The following FBLN2 variants were observed in gnomAD, a reference collection of about 807,000 sequenced individuals.
FBLN2 encodes fibulin 2, also known as fibulin-2.
In FBLN2, 81 loss-of-function variants were observed where a neutral mutation model predicts 123.7. That is an observed-to-expected ratio of 0.65 (90% CI 0.55 to 0.79). FBLN2 has a LOEUF of 0.79. Ranked by LOEUF, FBLN2 falls within the 30% of genes least tolerant of loss-of-function variation. The pLI, the probability that FBLN2 is intolerant of heterozygous loss-of-function variation, is 0.00. For synonymous variants in FBLN2, 699 were observed against 701.4 expected (o/e 1.00, Z 0.05); for missense variants, 1,603 against 1,681.3 (o/e 0.95, Z 0.81).
At position 13,571,133 on chromosome 3, in the gene FBLN2, C is replaced by T; in HGVS notation, c.778C>T (p.Leu260=). 2 of 1,553,336 alleles carry T rather than the reference C, an allele frequency of 1.3e-6. No individual in the cohort carries two copies. The highest frequency in any genetic ancestry group is 1.7e-6 in the Non-Finnish European group (2 of 1,148,956). The change falls in exon 2 of 18, where the codon CTG becomes TTG. Residue 260 remains leucine (L), a synonymous_variant. Coordinates refer to ENST00000404922, the MANE Select transcript of FBLN2 (RefSeq NM_001004019.2). The part of the protein sequence containing the change: ...VLPRPTAAAA[L]GPPAPVQAKA... Reference sequence around the variant, plus strand: ...CCCCAGGCCCACAGCGGCTGCTGCCCTGGGTCCCCCAGCCCCAGTGCAGGC... The same window carrying T: ...CCCCAGGCCCACAGCGGCTGCTGCCTTGGGTCCCCCAGCCCCAGTGCAGGC...
intron 1 of FBLN2, among the ~76,000 whole-genome samples, chr3:13,552,398 T>A (rs2125029372): frequency 6.6e-6 from 1 of 152,058 alleles, no homozygotes; most frequent in African/African-American, 2.4e-5. Flanking sequence ...AGGCCGGCTG[T>A]CCTGCCCGGT....
At chr3:13,587,154 A>T (rs188800041) in intron 2 of FBLN2, among the ~76,000 whole-genome samples, 1,741 of 149,938 alleles carry the variant, frequency 0.012, 30 homozygotes, top group African/African-American at 0.039. Flanking sequence ...CAAAAAAAAA[A>T]AAAAAAATAA....
chr3:13,572,390 G>GT (rs781742405), intron 2 of FBLN2, among the ~76,000 whole-genome samples: 2 of 152,222 alleles, frequency 1.3e-5, no homozygotes, highest in Non-Finnish European at 2.9e-5. Flanking sequence ...TATGTACGCT[G>GT]TTTCACCAGT....
At chr3:13,597,683 C>T (rs1348236920) in intron 2 of FBLN2, among the ~76,000 whole-genome samples, 1 of 152,220 alleles carries the variant, frequency 6.6e-6, no homozygotes, top group African/African-American at 2.4e-5. Context: ...CCAGAATACT[C>T]AGGGTCGTGG....
At chr3:13,567,528 TTGTATTTC>T (rs1406438547) in intron 1 of FBLN2, among the ~76,000 whole-genome samples, 3 of 151,956 alleles carry the variant, frequency 2.0e-5, no homozygotes, top group Admixed American at 6.5e-5. Flanking sequence ...TGGCTAATTT[TTGTATTTC>T]TGGTAGAGAC....
intron 2 of FBLN2, among the ~76,000 whole-genome samples, chr3:13,581,215 T>TGGGGGGAGGG (rs1181664158): frequency 6.9e-5 from 1 of 14,478 alleles, no homozygotes; most frequent in Admixed American, 7.8e-4. Context: ...GGGCGGCAGG[T>TGGGGGGAGGG]GGGGGGTGGG....
rs893842043 is a variant in FBLN2, at chr3:13,570,772, C to T, written c.417C>T (p.Cys139=). ...GCCCACAGTGCGGCCAGGTGGGCTG[C>T]GTCCACGCGGGCCACAAGTACGCCG... ...DSCPQCGQVG[C]VHAGHKYAAG... Residue 139 remains cysteine, a synonymous_variant, in exon 2 of 18, where the codon TGC becomes TGT. Transcript: ENST00000404922. 16 of 1,599,794 alleles carry T rather than the reference C, an allele frequency of 1.0e-5. No individual in the cohort carries two copies. The highest frequency in any genetic ancestry group is 8.0e-5 in the African/African-American group (6 of 74,662).
Position 13,570,327 on chromosome 3 carries a change from G to A in FBLN2, c.-29G>A. Reference sequence around the variant, plus strand: ...CTGATTCCCCCAGGGTCTTACAGGAGAGGGGACCGTCCTGGGCTGGCCTGG... The same window carrying A: ...CTGATTCCCCCAGGGTCTTACAGGAAAGGGGACCGTCCTGGGCTGGCCTGG... On this transcript the variant is annotated 5_prime_UTR_variant, in exon 2 of 18. Transcript: ENST00000404922. 6.7e-7 allele frequency: 1 copy of A among 1,496,194 alleles called. No individual in the cohort carries two copies. The highest frequency in any genetic ancestry group is 8.9e-7 in the Non-Finnish European group (1 of 1,118,902). The allele number at this position is 1,496,194 out of a possible 1,614,324, so 92.7% of individuals were successfully genotyped here.
chr3:13,631,135 G>A (rs1706240618), intron 15 of FBLN2, among the ~76,000 whole-genome samples, 194 bp from the exon 16 acceptor site: 1 of 152,206 alleles, frequency 6.6e-6, no homozygotes, highest in African/African-American at 2.4e-5. Context: ...CAGCCCTAGG[G>A]CATAAGCACT....
At chr3:13,632,426 G>A (rs1031227445) in intron 16 of FBLN2, among the ~76,000 whole-genome samples, 13 of 152,348 alleles carry the variant, frequency 8.5e-5, no homozygotes, top group South Asian at 2.1e-4. Flanking sequence ...TTCTTGGCCC[G>A]CAAAAGCAGA....
chr3:13,587,154 AAAAAAAATAAATAAATAATT>A (rs1360126137), intron 2 of FBLN2, among the ~76,000 whole-genome samples: 44 of 149,842 alleles, frequency 2.9e-4, no homozygotes, highest in Non-Finnish European at 5.3e-4. Context: ...CAAAAAAAAA[AAAAAAAATAAATAAATAATT>A]AAAAAAATAA....
chr3:13,605,060 C>T (rs908754312), intron 2 of FBLN2, among the ~76,000 whole-genome samples: 2 of 152,164 alleles, frequency 1.3e-5, no homozygotes, highest in Non-Finnish European at 2.9e-5. Context: ...GGAGGAGAAG[C>T]GGCTGTCAGT....
intron 16 of FBLN2, among the ~76,000 whole-genome samples, chr3:13,634,799 G>A (rs1236389955): frequency 6.6e-6 from 1 of 152,200 alleles, no homozygotes; most frequent in African/African-American, 2.4e-5. Context: ...AGGCGGTCCG[G>A]GGGTATTGAG....
intron 1 of FBLN2, among the ~76,000 whole-genome samples, chr3:13,559,158 A>G (rs1433519524): frequency 3.3e-5 from 5 of 151,330 alleles, no homozygotes; most frequent in African/African-American, 1.2e-4. Context: ...AGTCTATGAA[A>G]CTCCCTCACA....
At position 13,628,908 on chromosome 3, in the gene FBLN2, T is replaced by C. The variant is rs1452624493; in HGVS notation, c.2573T>C (p.Ile858Thr). Residue 858 changes from isoleucine (I) to threonine (T), a missense_variant, in exon 12 of 18, where the codon ATC becomes ACC. Coordinates refer to ENST00000404922, the MANE Select transcript of FBLN2 (RefSeq NM_001004019.2). ...TCACCTACACCTGCCTCTGCAGACA[T>C]CAACGAGTGCACGTCACTGTCCGAG... The part of the protein sequence containing the change: ...LQDPEGNCVD[I>T]NECTSLSEPC... The C allele has an allele frequency of 6.2e-7, 1 of 1,612,702 alleles. No individual in the cohort carries two copies. Among genetic ancestry groups the C allele is most frequent in the Admixed American group, 1.7e-5 (1 of 59,894 alleles).
intron 2 of FBLN2, among the ~76,000 whole-genome samples, chr3:13,574,000 C>T (rs546992969): frequency 2.0e-5 from 3 of 152,058 alleles, no homozygotes; most frequent in African/African-American, 7.2e-5. Context: ...TGTCCACAGG[C>T]GGTGGCCTGA....
chr3:13,559,179 A>T (rs979796759), intron 1 of FBLN2, among the ~76,000 whole-genome samples: 6 of 152,216 alleles, frequency 3.9e-5, no homozygotes, highest in African/African-American at 1.4e-4. Context: ...TAGCAGTTTT[A>T]GGTATGTGCC....
At chr3:13,561,972 T>C (rs1703620617) in intron 1 of FBLN2, among the ~76,000 whole-genome samples, 1 of 152,212 alleles carries the variant, frequency 6.6e-6, no homozygotes, top group African/African-American at 2.4e-5. Context: ...GGAAAATAAA[T>C]ATCCCTGGAA....
chr3:13,589,439 ACT>A (rs1339254323), intron 2 of FBLN2, among the ~76,000 whole-genome samples: 3 of 151,348 alleles, frequency 2.0e-5, no homozygotes, highest in Admixed American at 2.0e-4. Context: ...GGTAACTGTG[ACT>A]CTCCCAGCCA....
Sources: gnomAD v4.1 joint callset for allele counts (sites outside exome capture counted in the v4.1 genomes callset) on GRCh38, gnomAD v4.1.1 for gene constraint, MANE v1.5 for transcripts, NCBI Gene and HGNC (gene_info 2026-07-23, HGNC 2026-07-21) for gene names.